Variants in PPFIBP2 observed in about 807,000 individuals in gnomAD.
The protein encoded by PPFIBP2 is liprin-beta-2.
In PPFIBP2, 118 loss-of-function variants were observed where a neutral mutation model predicts 118.3. The ratio of observed to expected loss-of-function variants is 1.00; its 90% confidence interval spans 0.86 to 1.16. PPFIBP2 has a LOEUF of 1.16. PPFIBP2 is among the 50% of genes most tolerant of loss of function. The pLI is 0.00. For synonymous variants in PPFIBP2, 414 were observed against 397.4 expected, an observed-to-expected ratio of 1.04 and a Z score of -0.50; for missense variants, 1,195 against 1,073.1, an observed-to-expected ratio of 1.11 and a Z score of -1.59.
chr11:7,663,603 T>C, the PPFIBP2 span, among the ~76,000 whole-genome samples: 1 of 152,328 alleles, frequency 6.6e-6, no homozygotes. Flanking sequence ...GTCTTTTTGT[T>C]TGTCTGTTCC....
chr11:7,555,194 G>A (rs150713944), intron 2 of PPFIBP2, among the ~76,000 whole-genome samples: 90 of 152,268 alleles, frequency 5.9e-4, no homozygotes, highest in South Asian at 3.3e-3. Flanking sequence ...AGAGAGCCAC[G>A]TGGTCAGGAC....
intron 3 of PPFIBP2, 124 bp downstream of exon 3, chr11:7,565,891 C>A: frequency 1.8e-6 from 2 of 1,083,200 alleles, no homozygotes; most frequent in Non-Finnish European, 2.6e-6. Context: ...TTCCATCCCA[C>A]TTTGGCCAAC....
At chr11:7,553,490 C>A (rs1853233399) in intron 2 of PPFIBP2, among the ~76,000 whole-genome samples, 1 of 152,128 alleles carries the variant, frequency 6.6e-6, no homozygotes, top group Non-Finnish European at 1.5e-5. Flanking sequence ...ATGGCTGAAC[C>A]AAATTGGGCC....
At chr11:7,588,325 TCA>T (rs1858591698) in intron 3 of PPFIBP2, among the ~76,000 whole-genome samples, 1 of 152,188 alleles carries the variant, frequency 6.6e-6, no homozygotes, top group African/African-American at 2.4e-5. Flanking sequence ...TCCTGGCTAC[TCA>T]CAGTTCTCTC....
At chr11:7,593,823 G>A (rs1318761301) in intron 4 of PPFIBP2, among the ~76,000 whole-genome samples, 1 of 152,194 alleles carries the variant, frequency 6.6e-6, no homozygotes, top group African/African-American at 2.4e-5. Context: ...TGTGTGCCTT[G>A]GTAGGACATA....
In PPFIBP2 at chr11:7,599,327, C is replaced by T. The variant is rs183663750; in HGVS notation, c.486+1654C>T. 2.7e-4 allele frequency among the ~76,000 whole-genome samples: 41 copies of T among 152,162 alleles called. No individual in the cohort carries two copies. The South Asian group carries it at 5.0e-3, about 19-fold the overall frequency. On this transcript the variant is annotated intron_variant, in intron 5 of 23. Transcript: ENST00000299492. ...GAAAGAGAGCAAGAACATTTGAATA[C>T]GGAAGGGAACGTGTCAGAAGGTTGA...
chr11:7,527,116 C>G (rs1024117104), intron 1 of PPFIBP2, among the ~76,000 whole-genome samples: 1 of 150,948 alleles, frequency 6.6e-6, no homozygotes, highest in Non-Finnish European at 1.5e-5. Flanking sequence ...ACCTACCATA[C>G]CCTAGGAAGT....
chr11:7,641,155 C>A lies in PPFIBP2; in HGVS notation c.1376-324C>A, dbSNP rs911509219. ...CCCTTCACCAGCACTCAGCCAGGGA[C>A]CCACTACTGCCTGCGTTCCTGCATC... is the stretch of plus-strand genomic sequence containing the variant. On this transcript the variant is annotated intron_variant, in intron 15 of 23. Transcript: ENST00000299492. The A allele has an allele frequency of 2.8e-6, 3 of 1,075,590 alleles. No individual in the cohort carries two copies. The African/African-American group carries it at 4.8e-5, about 17-fold the overall frequency. The allele number at this position is 1,075,590 out of a possible 1,614,324, so 66.6% of individuals were successfully genotyped here.
intron 2 of PPFIBP2, among the ~76,000 whole-genome samples, chr11:7,563,898 G>C (rs1350766375): frequency 6.6e-6 from 1 of 152,162 alleles, no homozygotes; most frequent in East Asian, 1.9e-4. Flanking sequence ...AGGCGCAGTG[G>C]CTCACGCCTG....
intron 1 of PPFIBP2, among the ~76,000 whole-genome samples, chr11:7,536,164 T>C (rs772868619): frequency 2.6e-5 from 4 of 152,114 alleles, no homozygotes; most frequent in African/African-American, 4.8e-5. Flanking sequence ...CTGGGACATA[T>C]AGTTTCTGAA....
At chr11:7,567,471 A>C (rs1226452920) in intron 3 of PPFIBP2, among the ~76,000 whole-genome samples, 2 of 152,228 alleles carry the variant, frequency 1.3e-5, no homozygotes, top group East Asian at 3.8e-4. Context: ...ATTTCCCTAA[A>C]AGTGATTGCA....
At chr11:7,663,583 A>C in the PPFIBP2 span, among the ~76,000 whole-genome samples, 97 of 152,322 alleles carry the variant, frequency 6.4e-4, no homozygotes, top group South Asian at 5.8e-3. Context: ...AGTCTGTAGA[A>C]GTTACTTCTG....
intron 14 of PPFIBP2, 127 bp downstream of exon 14, chr11:7,635,720 A>C: frequency 1.1e-6 from 1 of 950,804 alleles, no homozygotes; most frequent in Non-Finnish European, 1.6e-6. Flanking sequence ...GCAAGAGGAA[A>C]GACGCAACTT....
intron 2 of PPFIBP2, among the ~76,000 whole-genome samples, chr11:7,565,196 A>G (rs1050710733): frequency 6.6e-6 from 1 of 152,148 alleles, no homozygotes; most frequent in African/African-American, 2.4e-5. Context: ...CCAGCCCGAG[A>G]TTAGATAAAG....
rs562439502 is a variant in PPFIBP2, at chr11:7,610,657, T to G, written c.618+235T>G. The G allele has an allele frequency of 2.1e-5, 9 of 427,898 alleles. No homozygotes were observed. In the East Asian group the frequency reaches 3.0e-4, roughly 14 times the overall value. 26.5% of individuals were successfully genotyped at this position (427,898 alleles called of 1,614,324 possible). ...AAGGCTTTATCTGCCCTCAAACTGC[T>G]GACAAGGATGGAAAGAGAAGCAATA... On this transcript the variant is annotated intron_variant, in intron 6 of 23. Coordinates refer to ENST00000299492, the MANE Select transcript of PPFIBP2 (RefSeq NM_003621.5).
chr11:7,555,852 A>G (rs1358849689), intron 2 of PPFIBP2, among the ~76,000 whole-genome samples: 3 of 152,240 alleles, frequency 2.0e-5, no homozygotes, highest in Non-Finnish European at 2.9e-5. Flanking sequence ...AATATTTACT[A>G]TAGTTGTAGG....
In PPFIBP2 at chr11:7,577,271, C is replaced by T. The variant is rs370291286; in HGVS notation, c.279+11504C>T. The T allele has an allele frequency of 1.5e-4, 30 of 199,028 alleles. 2 individuals are homozygous for T. Among genetic ancestry groups the T allele is most frequent in the African/African-American group, 6.1e-4 (26 of 42,778 alleles). 12.3% of individuals were successfully genotyped at this position (199,028 alleles called of 1,614,324 possible). A position where few individuals can be genotyped will look rare whatever the true frequency, so the allele number is the denominator to read the frequency against. On this transcript the variant is annotated intron_variant, in intron 3 of 23. Coordinates refer to ENST00000299492, the MANE Select transcript of PPFIBP2 (RefSeq NM_003621.5). ...TACCTTTGTGTGACATTTGATTTCT[C>T]CGCAGGGCTCTGAATCCCAGTCCTG...
chr11:7,606,123 G>A, intron 5 of PPFIBP2: 1 of 1,272,968 alleles, frequency 7.9e-7, no homozygotes, highest in Non-Finnish European at 1.0e-6. Flanking sequence ...TAGAATAGCA[G>A]GATAGATGCA....
Position 7,593,151 on chromosome 11 carries a change from G to A in PPFIBP2, c.299G>A (p.Ser100Asn), listed in dbSNP as rs1158450096. 1 of 1,614,038 alleles carries A rather than the reference G, an allele frequency of 6.2e-7. No homozygotes were observed. The highest frequency in any genetic ancestry group is 1.3e-5 in the African/African-American group (1 of 75,020). ...CTTTAGTCCCAGGTAAACCACCACAGTGCTGCTAGTAATGAAACCTACCAG... is the reference window on the plus strand; with the variant it reads ...CTTTAGTCCCAGGTAAACCACCACAATGCTGCTAGTAATGAAACCTACCAG... ...EESLSQVNHHSAASNETYQER... is the reference protein window; with the variant it reads ...EESLSQVNHHNAASNETYQER... The change falls in exon 4 of 24, where the codon AGT becomes AAT. Residue 100 changes from serine to asparagine, a missense_variant. Transcript: ENST00000299492.
Sources: gnomAD v4.1 joint callset for allele counts (sites outside exome capture counted in the v4.1 genomes callset) on GRCh38, gnomAD v4.1.1 for gene constraint, MANE v1.5 for transcripts, NCBI Gene and HGNC (gene_info 2026-07-23, HGNC 2026-07-21) for gene names.